NCKAP5: variants seen among roughly 807,000 people sequenced by gnomAD.
NCKAP5 encodes NCK associated protein 5.
NCKAP5 carries 92 observed loss-of-function variants against 167.0 expected under a neutral mutation model. That is an observed-to-expected ratio of 0.55 (90% CI 0.47 to 0.66). The LOEUF (loss-of-function observed/expected upper bound fraction) is 0.66, where lower values mean the gene tolerates loss of function less well. Ranked by LOEUF, NCKAP5 falls within the 30% of genes least tolerant of loss-of-function variation. NCKAP5 has a pLI of 0.00. For synonymous variants in NCKAP5, 891 were observed against 877.4 expected, an observed-to-expected ratio of 1.02 and a Z score of -0.27; for missense variants, 2,378 against 2,315.0, an observed-to-expected ratio of 1.03 and a Z score of -0.56.
At chr2:133,319,010 G>C (rs1681823661) in intron 3 of NCKAP5, among the ~76,000 whole-genome samples, 2 of 152,040 alleles carry the variant, frequency 1.3e-5, no homozygotes, top group African/African-American at 4.8e-5. Flanking sequence ...ACTGAACTCT[G>C]GGGGTGGAGG....
chr2:133,022,918 T>C (rs898499380), intron 6 of NCKAP5, among the ~76,000 whole-genome samples: 3 of 152,216 alleles, frequency 2.0e-5, no homozygotes, highest in South Asian at 2.1e-4. Flanking sequence ...CTCACTTTGA[T>C]GAGGCAAACT....
intron 4 of NCKAP5, among the ~76,000 whole-genome samples, chr2:133,267,610 C>T (rs1241623231): frequency 6.6e-6 from 1 of 152,190 alleles, no homozygotes; most frequent in African/African-American, 2.4e-5. Context: ...CAAGAAAACG[C>T]TGAATTCCCC....
At chr2:133,402,956 G>A (rs1264543259) in intron 3 of NCKAP5, among the ~76,000 whole-genome samples, 1 of 152,184 alleles carries the variant, frequency 6.6e-6, no homozygotes, top group East Asian at 1.9e-4. Context: ...AATTTCTAGT[G>A]ACTTTTGAGG....
chr2:133,035,027 A>G (rs758908700), intron 6 of NCKAP5, among the ~76,000 whole-genome samples: 1 of 152,054 alleles, frequency 6.6e-6, no homozygotes, highest in African/African-American at 2.4e-5. Flanking sequence ...AACATATTTC[A>G]TCTATAAAGA....
At chr2:133,582,361 T>C in the NCKAP5 span, among the ~76,000 whole-genome samples, 1 of 152,204 alleles carries the variant, frequency 6.6e-6, no homozygotes, top group South Asian at 2.1e-4. Context: ...TGAAACGGGC[T>C]AGACATGATC....
chr2:132,739,536 A>G (rs1691825118), intron 16 of NCKAP5, among the ~76,000 whole-genome samples: 1 of 152,184 alleles, frequency 6.6e-6, no homozygotes, highest in Non-Finnish European at 1.5e-5. Flanking sequence ...CAGAGTGCTC[A>G]TTATAAAGCA....
rs1553437620 is a variant in NCKAP5 at position 133,538,928 on chromosome 2, T to TG, written c.-62+20121dup. Among the ~76,000 whole-genome samples the TG allele has an allele frequency of 2.3e-4, 28 of 120,866 alleles. 1 individual carries two copies. The highest frequency in any genetic ancestry group is 1.5e-3 in the Admixed American group (18 of 11,884). 79.3% of individuals were successfully genotyped at this position (120,866 alleles called of 152,430 possible). ...TTTTGGTTTTTTTTTGTGGTTTTTT[T>TG]GGGTTTTTTTTTTTTTTTTTTTTTT... On this transcript the variant is annotated intron_variant, in intron 2 of 19. Coordinates refer to ENST00000409261, the MANE Select transcript of NCKAP5 (RefSeq NM_207363.3).
At chr2:133,056,340 G>T (rs924124849) in intron 6 of NCKAP5, among the ~76,000 whole-genome samples, 5 of 151,954 alleles carry the variant, frequency 3.3e-5, no homozygotes, top group Non-Finnish European at 7.4e-5. Flanking sequence ...AGTTTCAAAT[G>T]ATCTTATTAT....
At chr2:133,643,168 GT>G in the NCKAP5 span, among the ~76,000 whole-genome samples, 1 of 152,174 alleles carries the variant, frequency 6.6e-6, no homozygotes, top group Non-Finnish European at 1.5e-5. Flanking sequence ...TAATGGGCCA[GT>G]TTGTTCATCA....
At chr2:133,344,005 G>A (rs1311218655) in intron 3 of NCKAP5, among the ~76,000 whole-genome samples, 1 of 152,214 alleles carries the variant, frequency 6.6e-6, no homozygotes, top group Non-Finnish European at 1.5e-5. Flanking sequence ...AAGAAGCAAA[G>A]TTGGGTAAGG....
intron 8 of NCKAP5, among the ~76,000 whole-genome samples, chr2:132,895,734 T>C (rs1039325100): frequency 6.6e-6 from 1 of 150,394 alleles, no homozygotes; most frequent in Non-Finnish European, 1.5e-5. Flanking sequence ...GCTAGCCCCA[T>C]TTTACAGATG....
At chr2:133,038,241 G>C (rs1017742679) in intron 6 of NCKAP5, among the ~76,000 whole-genome samples, 7 of 152,098 alleles carry the variant, frequency 4.6e-5, no homozygotes, top group African/African-American at 1.7e-4. Context: ...CAGATGAATG[G>C]ATACAGAAAA....
intron 6 of NCKAP5, among the ~76,000 whole-genome samples, chr2:132,995,544 G>A (rs1280002847): frequency 1.3e-5 from 2 of 151,788 alleles, no homozygotes; most frequent in African/African-American, 2.4e-5. Context: ...CCAGCTACTC[G>A]GGAGGCTGAG....
intron 4 of NCKAP5, among the ~76,000 whole-genome samples, chr2:133,250,564 G>A (rs1243364082): frequency 6.6e-6 from 1 of 152,250 alleles, no homozygotes; most frequent in African/African-American, 2.4e-5. Flanking sequence ...CTCTCCTGAG[G>A]TTCTCACTGC....
intron 8 of NCKAP5, among the ~76,000 whole-genome samples, chr2:132,927,665 G>C (rs1356186290): frequency 1.3e-5 from 2 of 151,810 alleles, no homozygotes; most frequent in East Asian, 1.9e-4. Context: ...TGTGGATTTG[G>C]TTCTCAGCTT....
intron 5 of NCKAP5, among the ~76,000 whole-genome samples, chr2:133,178,696 G>C (rs2084589201): frequency 6.7e-6 from 1 of 148,558 alleles, no homozygotes; most frequent in Non-Finnish European, 1.5e-5. Flanking sequence ...GCGGTGGCGG[G>C]CACCTGTAGT....
At chr2:133,059,642 C>A (rs1315182870) in intron 6 of NCKAP5, among the ~76,000 whole-genome samples, 1 of 147,778 alleles carries the variant, frequency 6.8e-6, no homozygotes, top group African/African-American at 2.5e-5. Context: ...CATTGCCACT[C>A]GAGCCTGAGT....
Position 133,389,129 on chromosome 2 carries a change from A to G in NCKAP5, c.70-86019T>C, listed in dbSNP as rs186178135. ...AAATCACCCGTCTTCTGCGTCACTC[A>G]TGCTGGGAGCTGTACACTGGAGCTG... On this transcript the variant is annotated intron_variant, in intron 3 of 19. Transcript: ENST00000409261. Among the ~76,000 whole-genome samples, 9 of 152,224 alleles carry G rather than the reference A, an allele frequency of 5.9e-5. No individual in the cohort carries two copies. In the South Asian group the frequency reaches 1.9e-3, roughly 32 times the overall value.
intron 4 of NCKAP5, among the ~76,000 whole-genome samples, chr2:133,261,154 C>A (rs1277804105): frequency 6.6e-6 from 1 of 152,180 alleles, no homozygotes; most frequent in African/African-American, 2.4e-5. Flanking sequence ...CCAATCTTTT[C>A]TCTCGCATTT....
Sources: allele counts gnomAD v4.1 joint callset (sites outside exome capture counted in the v4.1 genomes callset), GRCh38; gene constraint gnomAD v4.1.1; transcripts MANE v1.5; gene names NCBI Gene and HGNC (gene_info 2026-07-23, HGNC 2026-07-21).